The following SGCZ variants were observed in gnomAD, a reference collection of about 807,000 sequenced individuals.
SGCZ encodes sarcoglycan zeta.
In SGCZ, 40 loss-of-function variants were observed where a neutral mutation model predicts 41.3. The ratio of observed to expected loss-of-function variants is 0.97; its 90% CI spans 0.75 to 1.26. The LOEUF (loss-of-function observed/expected upper bound fraction) is 1.26. SGCZ is among the 50% of genes most tolerant of loss of function. SGCZ has a pLI of 0.00. For synonymous variants in SGCZ, 206 were observed against 137.5 expected, an observed-to-expected ratio of 1.50 and a Z score of -3.49; for missense variants, 552 against 369.8, an observed-to-expected ratio of 1.49 and a Z score of -4.04.
In SGCZ at chr8:14,554,856, T is replaced by C; in HGVS notation, c.110A>G (p.Tyr37Cys). ...TCGCCATCCATAAATTCCCACTGGG[T>C]AAAGTTGTGCATTCTCAGTCCTTGG... Reference protein sequence around the residue: ...NLPRTENAQLYPVGIYGWRKR... With the variant: ...NLPRTENAQLCPVGIYGWRKR... Residue 37 changes from tyrosine to cysteine, a missense_variant, in exon 2 of 8, where the codon TAC (tyrosine) becomes TGC (cysteine). By Grantham distance (194) the Tyr-to-Cys change is radical. Transcript: ENST00000382080. The C allele has an allele frequency of 6.2e-7, 1 of 1,613,090 alleles. No individual in the cohort carries two copies. The highest frequency in any genetic ancestry group is 8.5e-7 in the Non-Finnish European group (1 of 1,179,512).
chr8:15,198,144 T>C (rs1585664931), intron 1 of SGCZ, among the ~76,000 whole-genome samples: 1 of 151,278 alleles, frequency 6.6e-6, no homozygotes, highest in East Asian at 1.9e-4. Flanking sequence ...ACAGAGACTA[T>C]ATATATTAAT....
At chr8:14,623,758 C>T (rs1000650399) in intron 1 of SGCZ, among the ~76,000 whole-genome samples, 8 of 152,008 alleles carry the variant, frequency 5.3e-5, no homozygotes, top group African/African-American at 1.7e-4. Context: ...GAGATGTCAC[C>T]GGGGTGCTGG....
At chr8:14,329,881 C>T (rs1307892779) in intron 2 of SGCZ, among the ~76,000 whole-genome samples, 1 of 151,876 alleles carries the variant, frequency 6.6e-6, no homozygotes, top group Non-Finnish European at 1.5e-5. Context: ...CATCACTCAA[C>T]TTATACTTCC....
chr8:15,147,315 T>C (rs1196351686), intron 1 of SGCZ, among the ~76,000 whole-genome samples: 1 of 152,092 alleles, frequency 6.6e-6, no homozygotes, highest in Non-Finnish European at 1.5e-5. Context: ...TTTCACTCTT[T>C]TTGACCAGGC....
intron 4 of SGCZ, among the ~76,000 whole-genome samples, chr8:14,224,040 C>T (rs1806291066): frequency 6.6e-6 from 1 of 152,142 alleles, no homozygotes; most frequent in Non-Finnish European, 1.5e-5. Flanking sequence ...TGTACCTATT[C>T]ATCAGTTTAT....
Position 15,086,690 on chromosome 8 carries a change from A to G in SGCZ, c.39+150895T>C, listed in dbSNP as rs187250937. On this transcript the variant is annotated intron_variant, in intron 1 of 7. Coordinates refer to ENST00000382080, the MANE Select transcript of SGCZ (RefSeq NM_139167.4). The stretch of plus-strand genomic sequence containing the variant: ...AAAAAATAATTCTGCTTTTTTTTAA[A>G]AATTACATCCTCCCAAATTTTTACT... 1.2e-3 allele frequency among the ~76,000 whole-genome samples: 180 copies of G among 152,254 alleles called. 5 individuals carry two copies. In the East Asian group the frequency reaches 0.027, roughly 23 times the overall value.
chr8:14,570,194 C>T (rs774152242), intron 1 of SGCZ, among the ~76,000 whole-genome samples: 2 of 152,098 alleles, frequency 1.3e-5, no homozygotes, highest in Admixed American at 6.5e-5. Context: ...CAGGTAGGTG[C>T]TCAATAATAC....
intron 2 of SGCZ, among the ~76,000 whole-genome samples, chr8:14,339,658 A>G (rs1802633313): frequency 6.6e-6 from 1 of 152,234 alleles, no homozygotes; most frequent in Non-Finnish European, 1.5e-5. Context: ...TTAGTGGAAC[A>G]CTTGCTGAGT....
chr8:14,435,232 T>C (rs934191730), intron 2 of SGCZ, among the ~76,000 whole-genome samples: 1 of 152,172 alleles, frequency 6.6e-6, no homozygotes, highest in Admixed American at 6.5e-5. Flanking sequence ...ATATTGCCAT[T>C]ATATTATTCA....
rs151172121 is a variant in SGCZ, at chr8:14,559,981, G to C, written c.40-5055C>G. On this transcript the variant is annotated intron_variant, in intron 1 of 7. Coordinates refer to ENST00000382080, the MANE Select transcript of SGCZ (RefSeq NM_139167.4). Reference sequence around the variant, plus strand: ...TTATAACAGATGATAAGTTGCCAAGGAATTGACTTTGCCTGAGGAATTTGG... The same window carrying C: ...TTATAACAGATGATAAGTTGCCAAGCAATTGACTTTGCCTGAGGAATTTGG... Among the ~76,000 whole-genome samples the C allele has an allele frequency of 2.0e-4, 31 of 152,188 alleles. No individual in the cohort carries two copies. The East Asian group carries it at 5.6e-3, about 28-fold the overall frequency.
At chr8:15,172,165 T>TATTTATTTATTTTA (rs1563164715) in intron 1 of SGCZ, among the ~76,000 whole-genome samples, 2 of 58,802 alleles carry the variant, frequency 3.4e-5, no homozygotes, top group Non-Finnish European at 5.1e-5. Context: ...TTTTTTTTTT[T>TATTTATTTATTTTA]TTTTTTTTTT....
chr8:14,674,928 G>GTTTTTTTTTTTTTT (rs201881681), intron 1 of SGCZ, among the ~76,000 whole-genome samples: 2 of 71,008 alleles, frequency 2.8e-5, no homozygotes, highest in African/African-American at 1.0e-4. Context: ...TTTCTTTTCT[G>GTTTTTTTTTTTTTT]TTTTTTTTTT....
At chr8:14,623,008 C>T (rs1445495630) in intron 1 of SGCZ, among the ~76,000 whole-genome samples, 4 of 152,110 alleles carry the variant, frequency 2.6e-5, no homozygotes, top group Non-Finnish European at 5.9e-5. Context: ...GTGAAAAGGT[C>T]CTGGCTTTTC....
chr8:14,551,542 A>AAT (rs369354761), intron 2 of SGCZ, among the ~76,000 whole-genome samples: 17 of 7,076 alleles, frequency 2.4e-3, no homozygotes, highest in Admixed American at 5.4e-3. Context: ...TAATATATAT[A>AAT]ATATATATAA....
chr8:14,745,432 T>C (rs1799314170), intron 1 of SGCZ, among the ~76,000 whole-genome samples: 1 of 152,054 alleles, frequency 6.6e-6, no homozygotes, highest in South Asian at 2.1e-4. Context: ...AAAATATTTT[T>C]CCTTAGCCAG....
At chr8:15,014,728 C>T (rs1802959680) in intron 1 of SGCZ, among the ~76,000 whole-genome samples, 1 of 152,196 alleles carries the variant, frequency 6.6e-6, no homozygotes, top group South Asian at 2.1e-4. Flanking sequence ...GTTTCCATGA[C>T]CAGGAGTCCA....
intron 1 of SGCZ, among the ~76,000 whole-genome samples, chr8:14,593,667 G>C (rs1268713595): frequency 6.6e-6 from 1 of 152,096 alleles, no homozygotes; most frequent in Non-Finnish European, 1.5e-5. Context: ...CAATGTAAAT[G>C]AAAAATAATT....
At chr8:14,777,590 T>C (rs554530934) in intron 1 of SGCZ, among the ~76,000 whole-genome samples, 1 of 152,332 alleles carries the variant, frequency 6.6e-6, no homozygotes, top group Admixed American at 6.5e-5. Context: ...GCTTCATTAC[T>C]GGTTTGATAA....
At chr8:15,030,379 G>T (rs1803616446) in intron 1 of SGCZ, among the ~76,000 whole-genome samples, 1 of 151,844 alleles carries the variant, frequency 6.6e-6, no homozygotes, top group South Asian at 2.1e-4. Context: ...TATCCTTAAA[G>T]CAGTAAAAAA....
Sources: allele counts gnomAD v4.1 joint callset (sites outside exome capture counted in the v4.1 genomes callset), GRCh38; gene constraint gnomAD v4.1.1; transcripts MANE v1.5; gene names NCBI Gene and HGNC (gene_info 2026-07-23, HGNC 2026-07-21).